Variants in SGCD observed in about 807,000 individuals in gnomAD.
SGCD encodes sarcoglycan delta.
SGCD carries 18 observed loss-of-function variants against 36.6 expected under a neutral mutation model. The observed-to-expected ratio is 0.49, with a 90% CI of 0.34 to 0.73. The LOEUF (loss-of-function observed/expected upper bound fraction) is 0.73, where lower values mean the gene tolerates loss of function less well. Among genes scored for constraint, SGCD ranks in the 30% least tolerant of loss-of-function variants. SGCD has a pLI of 0.01. For synonymous variants in SGCD, 133 were observed against 130.6 expected (o/e 1.02, Z -0.12); for missense variants, 387 against 346.7 (o/e 1.12, Z -0.92).
chr5:155,933,980 C>A (rs1476742451), intron 1 of SGCD, among the ~76,000 whole-genome samples: 3 of 152,172 alleles, frequency 2.0e-5, no homozygotes, highest in Non-Finnish European at 4.4e-5. Flanking sequence ...ATCTAGGTGC[C>A]TGGAACATTA....
chr5:156,183,591 A>G (rs955049749), intron 3 of SGCD, among the ~76,000 whole-genome samples: 1 of 152,132 alleles, frequency 6.6e-6, no homozygotes, highest in South Asian at 2.1e-4. Context: ...TATTTTTAGT[A>G]GAGACGAGGT....
chr5:155,856,316 A>G, the SGCD span, among the ~76,000 whole-genome samples: 9,490 of 152,292 alleles, frequency 0.062, 697 homozygotes, highest in African/African-American at 0.18. Flanking sequence ...ATGCAGAAAA[A>G]GAGAAAAAGA....
At chr5:156,290,148 T>C (rs1766718971) in intron 3 of SGCD, among the ~76,000 whole-genome samples, 2 of 152,140 alleles carry the variant, frequency 1.3e-5, no homozygotes, top group Non-Finnish European at 2.9e-5. Flanking sequence ...TGTGGGTCCT[T>C]TGATCTTCCC....
chr5:156,673,879 G>A (rs1269521391), intron 7 of SGCD, among the ~76,000 whole-genome samples: 1 of 152,184 alleles, frequency 6.6e-6, no homozygotes, highest in South Asian at 2.1e-4. Flanking sequence ...AAGCTAATAA[G>A]TTATTCATGA....
chr5:156,442,176 T>G (rs140641897), intron 3 of SGCD, among the ~76,000 whole-genome samples: 1 of 152,330 alleles, frequency 6.6e-6, no homozygotes, highest in African/African-American at 2.4e-5. Context: ...GTGTAATCAC[T>G]TTAAGAAATT....
At chr5:156,631,853 A>G (rs377156433) in intron 6 of SGCD, among the ~76,000 whole-genome samples, 6 of 152,268 alleles carry the variant, frequency 3.9e-5, no homozygotes, top group African/African-American at 1.4e-4. Context: ...GCTCTAGGGA[A>G]CAGTTCTTCC....
At chr5:156,626,844 C>A (rs1489018114) in intron 6 of SGCD, among the ~76,000 whole-genome samples, 2 of 152,130 alleles carry the variant, frequency 1.3e-5, no homozygotes, top group African/African-American at 2.4e-5. Context: ...GCTAAAAAGG[C>A]AGCTCTTCTT....
chr5:156,332,112 G>A (rs527561628), intron 2 of SGCD, among the ~76,000 whole-genome samples: 2 of 152,246 alleles, frequency 1.3e-5, no homozygotes, highest in East Asian at 3.9e-4. Context: ...TTTTTACCAG[G>A]TAGTGAGAAA....
intron 5 of SGCD, among the ~76,000 whole-genome samples, chr5:156,590,867 C>T (rs1760698381): frequency 6.6e-6 from 1 of 151,386 alleles, no homozygotes; most frequent in Non-Finnish European, 1.5e-5. Flanking sequence ...CCCTTTCCTT[C>T]CCCTTCTCTC....
Position 155,886,480 on chromosome 5 carries a change from A to ATT in SGCD, c.-282+16057_-282+16058insTT, listed in dbSNP as rs1561638390. Among the ~76,000 whole-genome samples, 25 of 151,036 alleles carry ATT rather than the reference A, an allele frequency of 1.7e-4. 2 individuals are homozygous for ATT. The highest frequency in any genetic ancestry group is 5.9e-5 in the Non-Finnish European group (4 of 67,820). ...TATTTGGTACAAACTTTGCAGAGGA[A>ATT]TGTGTGTGTGTGTGCGCGCACGCGC... On this transcript the variant is annotated intron_variant, in intron 1 of 9. Transcript: ENST00000517913.
At chr5:155,774,341 A>T in the SGCD span, among the ~76,000 whole-genome samples, 6,265 of 152,202 alleles carry the variant, frequency 0.041, 398 homozygotes, top group African/African-American at 0.14. Flanking sequence ...TTCCCCTTAA[A>T]AATGGAAGCA....
chr5:156,230,198 T>G (rs1161028212), intron 3 of SGCD, among the ~76,000 whole-genome samples: 1 of 152,182 alleles, frequency 6.6e-6, no homozygotes, highest in African/African-American at 2.4e-5. Context: ...GGTTTCTTCT[T>G]GGTTTGGATC....
intron 1 of SGCD, among the ~76,000 whole-genome samples, chr5:156,072,815 C>T (rs13360000): frequency 4.6e-5 from 7 of 151,916 alleles, no homozygotes; most frequent in South Asian, 2.1e-4. Context: ...TATTTCTTGG[C>T]GGCTTTGTTT....
At chr5:155,989,379 A>G (rs930320611) in intron 1 of SGCD, among the ~76,000 whole-genome samples, 1 of 152,182 alleles carries the variant, frequency 6.6e-6, no homozygotes, top group African/African-American at 2.4e-5. Flanking sequence ...CAACCACTTA[A>G]AATGTGAAAA....
At chr5:156,403,737 C>T (rs1470296356) in intron 3 of SGCD, among the ~76,000 whole-genome samples, 1 of 152,100 alleles carries the variant, frequency 6.6e-6, no homozygotes, top group African/African-American at 2.4e-5. Flanking sequence ...CCAGCCTTTG[C>T]AGTTAAACAT....
chr5:156,672,669 G>A (rs888172721), intron 7 of SGCD, among the ~76,000 whole-genome samples: 22 of 151,966 alleles, frequency 1.4e-4, no homozygotes, highest in East Asian at 3.9e-4. Flanking sequence ...CTCTCCCTTC[G>A]TCCCTTCATC....
At chr5:156,188,014 G>T (rs1763803791) in intron 3 of SGCD, among the ~76,000 whole-genome samples, 1 of 152,140 alleles carries the variant, frequency 6.6e-6, no homozygotes, top group Non-Finnish European at 1.5e-5. Flanking sequence ...TGCCTAGGGT[G>T]CAGAATTCAA....
At chr5:155,849,446 G>A in the SGCD span, among the ~76,000 whole-genome samples, 51 of 149,918 alleles carry the variant, frequency 3.4e-4, no homozygotes, top group Middle Eastern at 3.4e-3. Flanking sequence ...ATGTGCGCGC[G>A]CACACACACA....
At chr5:156,264,543 T>A (rs1765953484) in intron 3 of SGCD, among the ~76,000 whole-genome samples, 1 of 152,160 alleles carries the variant, frequency 6.6e-6, no homozygotes, top group Admixed American at 6.6e-5. Context: ...ACTTCCCAGG[T>A]CCTGAGATTA....
Sources: gnomAD v4.1 joint callset for allele counts (sites outside exome capture counted in the v4.1 genomes callset) on GRCh38, gnomAD v4.1.1 for gene constraint, MANE v1.5 for transcripts, NCBI Gene and HGNC (gene_info 2026-07-23, HGNC 2026-07-21) for gene names.